The following INPP5A variants were observed in gnomAD, a reference collection of about 807,000 sequenced individuals.
INPP5A encodes inositol polyphosphate-5-phosphatase A.
INPP5A carries 14 observed loss-of-function variants against 65.2 expected under a neutral mutation model. The ratio of observed to expected loss-of-function variants is 0.21; its 90% CI spans 0.14 to 0.34. The LOEUF is 0.34. Ranked by LOEUF, INPP5A falls within the 10% of genes least tolerant of loss-of-function variation. INPP5A has a pLI of 1.00. For synonymous variants in INPP5A, 207 were observed against 208.3 expected (o/e 0.99, Z 0.05); for missense variants, 431 against 545.6 (o/e 0.79, Z 2.09).
intron 1 of INPP5A, among the ~76,000 whole-genome samples, chr10:132,544,969 C>T (rs1035186508): frequency 1.3e-5 from 2 of 152,076 alleles, no homozygotes; most frequent in Non-Finnish European, 2.9e-5. Context: ...ATTAACGATT[C>T]CTCATGTTTT....
intron 9 of INPP5A, among the ~76,000 whole-genome samples, chr10:132,728,704 T>C (rs1051623966): frequency 6.6e-6 from 1 of 152,138 alleles, no homozygotes; most frequent in Non-Finnish European, 1.5e-5. Context: ...CGCCCAGCAA[T>C]TGGGGAAAGG....
intron 9 of INPP5A, among the ~76,000 whole-genome samples, chr10:132,747,848 C>T (rs1034941914): frequency 2.0e-5 from 3 of 152,148 alleles, no homozygotes; most frequent in Admixed American, 1.3e-4. Flanking sequence ...CAGAGGTTCA[C>T]GGCCAACCTG....
chr10:132,554,597 G>A lies in INPP5A; in HGVS notation c.75+16426G>A, dbSNP rs958867148. On this transcript the variant is annotated intron_variant, in intron 1 of 15. Coordinates refer to ENST00000368594, the MANE Select transcript of INPP5A (RefSeq NM_005539.5). ...GTGGTTGGTGTGGGTGGCATGGGTA[G>A]CATGGTCCATGTGGGTGGCATGATT... 3.0e-4 allele frequency among the ~76,000 whole-genome samples: 45 copies of A among 151,998 alleles called. No homozygotes were observed. The Middle Eastern group carries it at 0.01, about 34-fold the overall frequency.
Position 132,551,470 on chromosome 10 carries a change from A to G in INPP5A, c.75+13299A>G, listed in dbSNP as rs1187714213. On this transcript the variant is annotated intron_variant, in intron 1 of 15. Transcript: ENST00000368594. This position sits in a 1 kb window ranked among gnomAD's most constrained non-coding sequence, Gnocchi z 5.3. ...CATACGCCTGGGTGCAAAGTGGACCAGCCACTGTGGGTCATGTGGGGGGAT... is the reference window on the plus strand; with the variant it reads ...CATACGCCTGGGTGCAAAGTGGACCGGCCACTGTGGGTCATGTGGGGGGAT... Among the ~76,000 whole-genome samples the G allele has an allele frequency of 6.6e-6, 1 of 152,214 alleles. No homozygotes were observed. Among genetic ancestry groups the G allele is most frequent in the Non-Finnish European group, 1.5e-5 (1 of 68,036 alleles).
chr10:132,712,363 G>A (rs557939657), intron 8 of INPP5A, among the ~76,000 whole-genome samples: 7 of 149,850 alleles, frequency 4.7e-5, no homozygotes, highest in South Asian at 2.1e-4. Context: ...GTGTGTGTTC[G>A]TGTGTGCATG....
intron 2 of INPP5A, among the ~76,000 whole-genome samples, chr10:132,614,138 G>A (rs1435346749): frequency 1.3e-5 from 2 of 152,172 alleles, no homozygotes; most frequent in Non-Finnish European, 1.5e-5. Context: ...CCTGGCACTG[G>A]AGAGCTTGGC....
intron 12 of INPP5A, among the ~76,000 whole-genome samples, chr10:132,766,536 C>T (rs1045770208): frequency 3.9e-5 from 6 of 152,070 alleles, no homozygotes; most frequent in East Asian, 1.9e-4. Context: ...GTGCGTGGGG[C>T]GTGCGTCACA....
chr10:132,620,756 C>T (rs142752478), intron 2 of INPP5A, among the ~76,000 whole-genome samples: 3 of 152,288 alleles, frequency 2.0e-5, no homozygotes, highest in Non-Finnish European at 2.9e-5. Context: ...ACCCTCCCAG[C>T]CCAGATGGCT....
intron 8 of INPP5A, among the ~76,000 whole-genome samples, chr10:132,724,404 A>G (rs1043383739): frequency 1.3e-5 from 2 of 152,204 alleles, no homozygotes; most frequent in Non-Finnish European, 2.9e-5. Flanking sequence ...TGGGGGCTCC[A>G]TGCCCGCGTG....
intron 1 of INPP5A, among the ~76,000 whole-genome samples, chr10:132,600,637 C>T (rs186480703): frequency 3.3e-5 from 5 of 152,238 alleles, no homozygotes; most frequent in East Asian, 3.9e-4. Context: ...ACCAATTTAC[C>T]GTATTAGTTC....
intron 4 of INPP5A, among the ~76,000 whole-genome samples, chr10:132,685,765 G>T (rs982394364): frequency 1.3e-5 from 2 of 152,214 alleles, no homozygotes; most frequent in African/African-American, 4.8e-5. Flanking sequence ...TGCCTGCCGG[G>T]ACGCGTTGTT....
At chr10:132,543,483 C>T (rs566545968) in intron 1 of INPP5A, among the ~76,000 whole-genome samples, 3 of 152,284 alleles carry the variant, frequency 2.0e-5, no homozygotes, top group South Asian at 2.1e-4. Flanking sequence ...ATGGTGTGAT[C>T]GCAGCTCACT....
chr10:132,568,936 G>A (rs1383429678), intron 1 of INPP5A, among the ~76,000 whole-genome samples: 10 of 117,638 alleles, frequency 8.5e-5, no homozygotes, highest in Non-Finnish European at 1.2e-4. Flanking sequence ...TTTTTTTTGA[G>A]ACGGAATCTC....
At chr10:132,626,777 G>A (rs1490408638) in intron 2 of INPP5A, among the ~76,000 whole-genome samples, 1 of 152,232 alleles carries the variant, frequency 6.6e-6, no homozygotes, top group Non-Finnish European at 1.5e-5. Context: ...GCTCACAGCA[G>A]TGCAGGGGTT....
intron 12 of INPP5A, among the ~76,000 whole-genome samples, chr10:132,773,226 C>T (rs1231349714): frequency 6.6e-6 from 1 of 152,212 alleles, no homozygotes; most frequent in East Asian, 1.9e-4. Flanking sequence ...TATTGCTACC[C>T]GTCAAAACGT....
chr10:132,589,885 C>T (rs997333661), intron 1 of INPP5A, among the ~76,000 whole-genome samples: 20 of 152,226 alleles, frequency 1.3e-4, no homozygotes, highest in African/African-American at 4.8e-4. Flanking sequence ...AGCCCACAGC[C>T]TCCACCCAGG....
intron 9 of INPP5A, among the ~76,000 whole-genome samples, chr10:132,732,844 T>A (rs1344185385): frequency 6.6e-6 from 1 of 152,120 alleles, no homozygotes; most frequent in Non-Finnish European, 1.5e-5. Flanking sequence ...TGCTCATCTG[T>A]TGACGTGGAA....
intron 10 of INPP5A, 46 bp from the exon 11 acceptor site, chr10:132,749,725 A>G (rs762776248): frequency 6.2e-7 from 1 of 1,602,652 alleles, no homozygotes; most frequent in Non-Finnish European, 8.5e-7. Context: ...GGACACGCAC[A>G]AGGCTGGGGG....
At chr10:132,618,824 A>C (rs1034691065) in intron 2 of INPP5A, among the ~76,000 whole-genome samples, 1 of 152,202 alleles carries the variant, frequency 6.6e-6, no homozygotes, top group Non-Finnish European at 1.5e-5. Context: ...ACACACCTTC[A>C]AATGACCAGA....
Sources: allele counts gnomAD v4.1 joint callset (sites outside exome capture counted in the v4.1 genomes callset), GRCh38; gene constraint gnomAD v4.1.1; non-coding constraint Gnocchi (gnomAD v3.1); transcripts MANE v1.5; gene names NCBI Gene and HGNC (gene_info 2026-07-23, HGNC 2026-07-21).